The following TJP2 variants were observed in gnomAD, a reference collection of about 807,000 sequenced individuals.
The protein encoded by TJP2 is tight junction protein 2, also known as Friedreich ataxia region gene X104 (tight junction protein ZO-2).
In TJP2, 91 loss-of-function variants were observed where a neutral mutation model predicts 133.1. The ratio of observed to expected loss-of-function variants is 0.68; its 90% confidence interval spans 0.58 to 0.81. The LOEUF is 0.81. TJP2 is among the 40% of genes least tolerant of loss of function. The pLI is 0.00. For missense variants in TJP2, 1,541 were observed against 1,565.6 expected, an observed-to-expected ratio of 0.98 and a Z score of 0.26; for synonymous variants, 592 against 583.4, an observed-to-expected ratio of 1.01 and a Z score of -0.21.
intron 1 of TJP2, among the ~76,000 whole-genome samples, chr9:69,184,955 G>GC (rs543610322): frequency 2.8e-4 from 43 of 152,072 alleles, no homozygotes; most frequent in African/African-American, 9.9e-4. Context: ...TGTCTATGTT[G>GC]CCCAGGTGGG....
chr9:69,130,015 C>CAAAAAAAAAAAAAAAAAA (rs11355311), intron 1 of TJP2, among the ~76,000 whole-genome samples: 2 of 94,172 alleles, frequency 2.1e-5, no homozygotes, highest in South Asian at 3.4e-4. Context: ...AACTCTGCCT[C>CAAAAAAAAAAAAAAAAAA]AAAAAAAAAA....
chr9:69,151,148 G>C (rs1345305807), intron 1 of TJP2, among the ~76,000 whole-genome samples: 1 of 152,142 alleles, frequency 6.6e-6, no homozygotes, highest in Admixed American at 6.6e-5. Flanking sequence ...ATGGCTAATG[G>C]TTATGGGGCT....
chr9:69,154,277 G>T (rs1823628640), intron 2 of TJP2, among the ~76,000 whole-genome samples: 1 of 152,190 alleles, frequency 6.6e-6, no homozygotes, highest in African/African-American at 2.4e-5. Flanking sequence ...TTAAGGATTT[G>T]CAAGTGCCGC....
chr9:69,144,992 G>A (rs936619339), intron 1 of TJP2, among the ~76,000 whole-genome samples: 1 of 152,188 alleles, frequency 6.6e-6, no homozygotes, highest in African/African-American at 2.4e-5. Flanking sequence ...GAGACTTAAA[G>A]AAAATGGAGA....
chr9:69,238,425 G>A (rs904035030), intron 15 of TJP2, among the ~76,000 whole-genome samples: 2 of 152,038 alleles, frequency 1.3e-5, no homozygotes, highest in Non-Finnish European at 2.9e-5. Context: ...GTCTTTTTGT[G>A]ATTTTTATGT....
At chr9:69,133,963 T>C (rs1220727121) in intron 1 of TJP2, among the ~76,000 whole-genome samples, 2 of 142,930 alleles carry the variant, frequency 1.4e-5, no homozygotes, top group Non-Finnish European at 3.0e-5. Context: ...AAGTACTTTC[T>C]CTTTTCTCTC....
chr9:69,218,969 TA>T (rs199979764), intron 4 of TJP2, among the ~76,000 whole-genome samples: 51,067 of 142,774 alleles, frequency 0.36, 9,305 homozygotes, highest in African/African-American at 0.43. Flanking sequence ...TGTGTGTGTG[TA>T]TTTTTTTTTT....
intron 11 of TJP2, among the ~76,000 whole-genome samples, chr9:69,233,964 GTCTT>G (rs1296597571): frequency 5.9e-5 from 9 of 151,796 alleles, no homozygotes; most frequent in Admixed American, 4.6e-4. Context: ...ATTGGTCAGA[GTCTT>G]TATTTGCACA....
intron 1 of TJP2, among the ~76,000 whole-genome samples, chr9:69,134,594 A>C (rs976939063): frequency 9.9e-5 from 15 of 152,252 alleles, no homozygotes; most frequent in African/African-American, 3.4e-4. Context: ...CTAAGTGTCC[A>C]CTTGGAAGGC....
At chr9:69,123,172 T>C (rs1481198425) in intron 1 of TJP2, among the ~76,000 whole-genome samples, 2 of 152,208 alleles carry the variant, frequency 1.3e-5, no homozygotes, top group Non-Finnish European at 2.9e-5. Flanking sequence ...TTCCATCCGG[T>C]TATGTATTTG....
intron 1 of TJP2, among the ~76,000 whole-genome samples, chr9:69,207,828 G>A (rs1266679361): frequency 1.3e-5 from 2 of 152,178 alleles, no homozygotes; most frequent in Admixed American, 1.3e-4. Context: ...CTGGCAGCCT[G>A]TGCCCAGGGA....
rs750631073 is a variant in TJP2 at position 69,221,199 on chromosome 9, C to T, written c.655C>T (p.Arg219Trp). The T allele has an allele frequency of 1.1e-5, 17 of 1,602,704 alleles. No individual in the cohort carries two copies. The highest frequency in any genetic ancestry group is 2.7e-5 in the African/African-American group (2 of 74,674). ...HARTRDRSRG[R>W]SLERGLDHDF... ...GCGCACCCGAGACCGCAGCCGTGGC[C>T]GGAGCCTGGAGCGGGGCCTGGACCA... Residue 219 changes from arginine (R) to tryptophan (W), a missense_variant, in exon 5 of 23, where the codon CGG becomes TGG. Transcript: ENST00000377245.
chr9:69,137,247 CTCTTTCTT>C (rs1196199826), intron 1 of TJP2, among the ~76,000 whole-genome samples: 1 of 64,430 alleles, frequency 1.6e-5, no homozygotes, highest in Non-Finnish European at 3.0e-5. Flanking sequence ...CTTTCTCTCT[CTCTTTCTT>C]TCTTTCTTTC....
chr9:69,225,567 C>T (rs1357886421), intron 6 of TJP2, among the ~76,000 whole-genome samples, 160 bp downstream of exon 6: 3 of 152,120 alleles, frequency 2.0e-5, no homozygotes, highest in African/African-American at 7.2e-5. Context: ...ATCAGAAAAA[C>T]CAGACATTGA....
At chr9:69,238,887 A>C (rs1830387678) in intron 16 of TJP2, 98 bp downstream of exon 16, 8 of 1,089,624 alleles carry the variant, frequency 7.3e-6, no homozygotes, top group Non-Finnish European at 9.6e-6. Context: ...TAATCATTAA[A>C]TGTTAATAAT....
In TJP2 at chr9:69,217,133, G is replaced by T. The variant is rs1445484993; in HGVS notation, c.239+670G>T. 2.6e-5 allele frequency among the ~76,000 whole-genome samples: 4 copies of T among 152,010 alleles called. 1 individual carries two copies. The South Asian group carries it at 6.2e-4, about 24-fold the overall frequency. On this transcript the variant is annotated intron_variant, in intron 3 of 22. Coordinates refer to ENST00000377245, the MANE Select transcript of TJP2 (RefSeq NM_004817.4). ...AGCCACCTGAGTAGCTGGGATTACA[G>T]GTGCCTGCCACCACTCCCAGCTAAT...
chr9:69,226,438 T>TA (rs1186516568), intron 7 of TJP2, among the ~76,000 whole-genome samples: 1 of 152,120 alleles, frequency 6.6e-6, no homozygotes, highest in Non-Finnish European at 1.5e-5. Context: ...AACTTGTCAG[T>TA]AAAAAAATGT....
chr9:69,216,521 G>T, intron 3 of TJP2, 58 bp downstream of exon 3: 1 of 1,593,074 alleles, frequency 6.3e-7, no homozygotes. Context: ...GCCCTAGACG[G>T]GGTATTTTGG....
intron 1 of TJP2, among the ~76,000 whole-genome samples, chr9:69,181,681 C>G (rs1032015562): frequency 4.6e-5 from 7 of 151,826 alleles, no homozygotes; most frequent in Admixed American, 2.6e-4. Flanking sequence ...TCCATTGGTT[C>G]TTCTCATCTT....
Sources: gnomAD v4.1 joint callset for allele counts (sites outside exome capture counted in the v4.1 genomes callset) on GRCh38, gnomAD v4.1.1 for gene constraint, MANE v1.5 for transcripts, NCBI Gene and HGNC (gene_info 2026-07-23, HGNC 2026-07-21) for gene names.